DNAH7: variants seen among roughly 807,000 people sequenced by gnomAD.
DNAH7 encodes dynein axonemal heavy chain 7.
DNAH7 carries 397 observed loss-of-function variants against 444.6 expected under a neutral mutation model. The observed-to-expected ratio is 0.89, with a 90% CI of 0.82 to 0.97. DNAH7 has a LOEUF of 0.97. Among genes scored for constraint, DNAH7 ranks in the 50% least tolerant of loss-of-function variants. The pLI, the probability that DNAH7 is intolerant of heterozygous loss-of-function variation, is 0.00. For synonymous variants in DNAH7, 1,636 were observed against 1,624.4 expected (o/e 1.01, Z -0.17); for missense variants, 4,902 against 4,800.8 (o/e 1.02, Z -0.62).
At chr2:196,058,357 C>T (rs1415826034) in intron 1 of DNAH7, among the ~76,000 whole-genome samples, 1 of 152,176 alleles carries the variant, frequency 6.6e-6, no homozygotes, top group African/African-American at 2.4e-5. Flanking sequence ...AACACACAAA[C>T]ATCAAATATA....
chr2:195,922,194 T>C lies in DNAH7; in HGVS notation c.3829A>G (p.Asn1277Asp). Residue 1277 changes from asparagine (N) to aspartate (D), a missense_variant, in exon 24 of 65, where the codon AAT (asparagine) becomes GAT (aspartate). Coordinates refer to ENST00000312428, the MANE Select transcript of DNAH7 (RefSeq NM_018897.3). ...LSQLRYYWQE[N>D]HLETKMINAG... Reference sequence around the variant, plus strand: ...TTGATCATTTTTGTTTCTAAATGATTTTCCTAGGATAAATCAAATAAAATG... The same window carrying C: ...TTGATCATTTTTGTTTCTAAATGATCTTCCTAGGATAAATCAAATAAAATG... 1 of 1,563,520 alleles carries C rather than the reference T, an allele frequency of 6.4e-7. No homozygotes were observed. Among genetic ancestry groups the C allele is most frequent in the South Asian group, 1.1e-5 (1 of 89,100 alleles).
chr2:195,977,154 C>T (rs1269672788), intron 15 of DNAH7, among the ~76,000 whole-genome samples: 1 of 152,126 alleles, frequency 6.6e-6, no homozygotes, highest in Non-Finnish European at 1.5e-5. Context: ...CTAAATAAGG[C>T]ACCAAAGAGA....
intron 7 of DNAH7, among the ~76,000 whole-genome samples, chr2:196,024,719 T>C (rs927390984): frequency 1.3e-5 from 2 of 152,080 alleles, no homozygotes; most frequent in African/African-American, 4.8e-5. Context: ...TATGTTCCCT[T>C]TCTTAACACA....
At chr2:195,785,236 G>A in intron 58 of DNAH7, among the ~76,000 whole-genome samples, 1 of 152,074 alleles carries the variant, frequency 6.6e-6, no homozygotes, top group Non-Finnish European at 1.5e-5. Context: ...CAGGAATTTT[G>A]TTTCCTTATT....
At chr2:195,952,477 T>C (rs1690330450) in intron 19 of DNAH7, among the ~76,000 whole-genome samples, 1 of 152,196 alleles carries the variant, frequency 6.6e-6, no homozygotes, top group African/African-American at 2.4e-5. Context: ...TTGGCCTGTC[T>C]TGCTAGGCTG....
At chr2:195,792,436 C>CACAT (rs1553519819) in intron 57 of DNAH7, among the ~76,000 whole-genome samples, 6 of 135,340 alleles carry the variant, frequency 4.4e-5, no homozygotes, top group Admixed American at 7.4e-5. Flanking sequence ...CACACACACA[C>CACAT]ATTAAAAAAA....
intron 10 of DNAH7, among the ~76,000 whole-genome samples, chr2:196,004,782 TCACACA>T (rs58787682): frequency 0.068 from 9,934 of 146,204 alleles, 437 homozygotes; most frequent in African/African-American, 0.13. Flanking sequence ...AGGGTCTGTC[TCACACA>T]CACACACACA....
chr2:195,786,936 C>T, intron 58 of DNAH7, 74 bp downstream of exon 58: 1 of 1,412,846 alleles, frequency 7.1e-7, no homozygotes, highest in South Asian at 1.8e-5. Flanking sequence ...TCAGAAGTGC[C>T]CACTTACTAT....
chr2:196,016,497 A>G (rs968342304), intron 9 of DNAH7, among the ~76,000 whole-genome samples: 4 of 152,150 alleles, frequency 2.6e-5, no homozygotes, highest in African/African-American at 9.7e-5. Flanking sequence ...CATACTGTAC[A>G]ATGGAAAGGT....
intron 57 of DNAH7, among the ~76,000 whole-genome samples, chr2:195,793,824 C>T (rs1696008802): frequency 6.6e-6 from 1 of 152,174 alleles, no homozygotes; most frequent in African/African-American, 2.4e-5. Flanking sequence ...AGGTCACAGA[C>T]ATTCACGTAC....
chr2:196,029,828 C>T lies in DNAH7; in HGVS notation c.399-1781G>A, dbSNP rs77737251. Among the ~76,000 whole-genome samples the T allele has an allele frequency of 0.02, 2,995 of 152,050 alleles. 253 individuals are homozygous for T. In the East Asian group the frequency reaches 0.27, roughly 14 times the overall value. On this transcript the variant is annotated intron_variant, in intron 5 of 64. Transcript: ENST00000312428. ...CTGGGTACAGAGAAAATATGATGTA[C>T]TTTATTTCTCAAAAATGAAAAGAAC...
intron 25 of DNAH7, among the ~76,000 whole-genome samples, chr2:195,908,951 T>C (rs188973807): frequency 6.6e-6 from 1 of 152,238 alleles, no homozygotes; most frequent in Non-Finnish European, 1.5e-5. Context: ...ATTTTGCTAG[T>C]TTGTTTATCT....
chr2:195,776,668 T>C (rs950595542), intron 59 of DNAH7, among the ~76,000 whole-genome samples: 12 of 152,186 alleles, frequency 7.9e-5, no homozygotes, highest in African/African-American at 2.7e-4. Flanking sequence ...TTACTCTTAC[T>C]GTAAAAAATT....
rs557177523 is a variant in DNAH7, at chr2:196,008,415, T to A, written c.989+4372A>T. 3.9e-5 allele frequency among the ~76,000 whole-genome samples: 6 copies of A among 152,196 alleles called. No individual in the cohort carries two copies. The South Asian group carries it at 6.2e-4, about 16-fold the overall frequency. On this transcript the variant is annotated intron_variant, in intron 10 of 64. Coordinates refer to ENST00000312428, the MANE Select transcript of DNAH7 (RefSeq NM_018897.3). ...TCAGAATTACCATATAACCCAGCAA[T>A]TTCACTCCTAGGTATACAGTCAAGA...
At chr2:195,999,748 G>A (rs368790946) in intron 12 of DNAH7, among the ~76,000 whole-genome samples, 1 of 151,726 alleles carries the variant, frequency 6.6e-6, no homozygotes, top group Non-Finnish European at 1.5e-5. Context: ...ATAAAAAATT[G>A]GAAACTCAAT....
chr2:195,965,612 G>A (rs1426265471), intron 17 of DNAH7, among the ~76,000 whole-genome samples: 2 of 152,040 alleles, frequency 1.3e-5, no homozygotes, highest in African/African-American at 4.8e-5. Context: ...TCTTTACTGG[G>A]AGATTTTTTT....
chr2:195,869,492 T>C (rs1365536009), intron 40 of DNAH7, among the ~76,000 whole-genome samples: 1 of 151,980 alleles, frequency 6.6e-6, no homozygotes, highest in Non-Finnish European at 1.5e-5. Flanking sequence ...TACAACATGT[T>C]GGACGTTGGA....
At chr2:195,874,939 G>A (rs1250296964) in intron 38 of DNAH7, among the ~76,000 whole-genome samples, 4 of 152,250 alleles carry the variant, frequency 2.6e-5, no homozygotes, top group East Asian at 1.9e-4. Context: ...AGCAAATACC[G>A]GAGAGATTCC....
chr2:195,765,307 C>T (rs1407173287), intron 61 of DNAH7, among the ~76,000 whole-genome samples: 3 of 152,102 alleles, frequency 2.0e-5, no homozygotes, highest in African/African-American at 4.8e-5. Flanking sequence ...TCTCCAGGAC[C>T]TTGGATTGGG....
Sources: allele counts gnomAD v4.1 joint callset (sites outside exome capture counted in the v4.1 genomes callset), GRCh38; gene constraint gnomAD v4.1.1; transcripts MANE v1.5; gene names NCBI Gene and HGNC (gene_info 2026-07-23, HGNC 2026-07-21).